Variants in PCLO observed in about 807,000 individuals in gnomAD.
The protein encoded by PCLO is piccolo presynaptic cytomatrix protein.
PCLO carries 82 observed loss-of-function variants against 427.5 expected under a neutral mutation model. The observed-to-expected ratio is 0.19, with a 90% CI of 0.16 to 0.23. The LOEUF (loss-of-function observed/expected upper bound fraction) is 0.23. Ranked by LOEUF, PCLO falls within the 10% of genes least tolerant of loss-of-function variation. The pLI is 1.00. For missense variants in PCLO, 6,239 were observed against 6,115.9 expected (o/e 1.02, Z -0.67); for synonymous variants, 2,357 against 2,155.4 (o/e 1.09, Z -2.59).
chr7:83,087,156 G>A (rs1790257935), intron 3 of PCLO, among the ~76,000 whole-genome samples: 1 of 151,640 alleles, frequency 6.6e-6, no homozygotes, highest in Admixed American at 6.6e-5. Context: ...TACCAACATG[G>A]CACATGTATA....
chr7:82,902,511 G>A (rs948263412), intron 9 of PCLO, 140 bp downstream of exon 9: 7 of 557,386 alleles, frequency 1.3e-5, no homozygotes, highest in Non-Finnish European at 2.3e-5. Context: ...CACCAGCATG[G>A]CACATGTATA....
At chr7:83,031,288 A>G (rs1396305407) in intron 3 of PCLO, among the ~76,000 whole-genome samples, 1 of 152,176 alleles carries the variant, frequency 6.6e-6, no homozygotes, top group Non-Finnish European at 1.5e-5. Flanking sequence ...ATACCACACT[A>G]TTAGAAATAG....
chr7:82,986,189 G>A (rs1246382066), intron 3 of PCLO, among the ~76,000 whole-genome samples: 1 of 151,826 alleles, frequency 6.6e-6, no homozygotes, highest in Non-Finnish European at 1.5e-5. Context: ...AGGATCACTG[G>A]AAACATAAAA....
At position 82,953,248 on chromosome 7, in the gene PCLO, A is replaced by G; in HGVS notation, c.7705T>C (p.Ser2569Pro). 1 of 1,613,954 alleles carries G rather than the reference A, an allele frequency of 6.2e-7. No homozygotes were observed. The change falls in exon 5 of 25, where the codon TCA becomes CCA. Residue 2569 changes from serine to proline, a missense_variant. Ser to Pro is a moderately conservative substitution (Grantham distance 74). Around this residue, in one of 5 missense-constraint regions of PCLO, gnomAD observed 4,677 missense variants for 4,468.4 expected, o/e 1.05. Transcript: ENST00000333891. Reference protein sequence around the residue: ...SPLSPHSNKSSPRFSKSLTET... With the variant: ...SPLSPHSNKSPPRFSKSLTET... The stretch of plus-strand genomic sequence containing the variant: ...GTGAGGGATTTGGAAAATCTTGGTG[A>G]AGACTTGTTGGAGTGTGGGGAAAGT...
intron 24 of PCLO, 67 bp from the exon 25 acceptor site, chr7:82,758,782 C>G: frequency 5.3e-6 from 5 of 951,030 alleles, no homozygotes; most frequent in Non-Finnish European, 7.9e-6. Context: ...AGTTTTCAAC[C>G]TTTTTTAAGG....
chr7:82,951,459 T>C lies in PCLO; in HGVS notation c.9129A>G (p.Thr3043=), dbSNP rs1211664580. Residue 3043 remains threonine (T), a synonymous_variant, in exon 6 of 25, where the codon ACA becomes ACG. Transcript: ENST00000333891. ...GEVMDYSSKT[T]GPYPETRQVI... ...CTTGTCGTGTTTCTGGATATGGACC[T>C]GTAGTCTTGCTTGAATAATCCATTA... The C allele has an allele frequency of 1.9e-6, 3 of 1,580,486 alleles. No individual in the cohort carries two copies. The highest frequency in any genetic ancestry group is 1.8e-5 in the Admixed American group (1 of 54,462).
chr7:83,134,545 G>A lies in PCLO; in HGVS notation c.3005C>T (p.Ala1002Val), dbSNP rs764813086. Residue 1002 changes from alanine (A) to valine (V), a missense_variant, in exon 3 of 25, where the codon GCC becomes GTC. Ala to Val is a moderately conservative substitution (Grantham distance 64). Transcript: ENST00000333891. ...KSIPVKKETK[A>V]PAAEKLEPKA... ...GGGCTCTAATTTTTCAGCTGCTGGGGCTTTTGTTTCCTTTTTCACAGGTAT... is the reference window on the plus strand; with the variant it reads ...GGGCTCTAATTTTTCAGCTGCTGGGACTTTTGTTTCCTTTTTCACAGGTAT... 1.2e-6 allele frequency: 2 copies of A among 1,613,854 alleles called. No individual in the cohort carries two copies. The highest frequency in any genetic ancestry group is 1.7e-6 in the Non-Finnish European group (2 of 1,179,878).
chr7:83,072,638 A>G (rs898080913), intron 3 of PCLO, among the ~76,000 whole-genome samples: 2 of 152,054 alleles, frequency 1.3e-5, no homozygotes, highest in African/African-American at 4.8e-5. Context: ...TTATTCAGCT[A>G]CCAAATTAAG....
chr7:82,966,044 T>C lies in PCLO; in HGVS notation c.3744A>G (p.Leu1248=), dbSNP rs755602432. 1.2e-5 allele frequency: 19 copies of C among 1,613,312 alleles called. No individual in the cohort carries two copies. Among genetic ancestry groups the C allele is most frequent in the Non-Finnish European group, 1.6e-5 (19 of 1,179,790 alleles). ...GGGCTGATGTTTTTGCCTCTGGGAG[T>C]AGCTTTTTGTCTTCAGGGGTTGGCT... ...EKKPTPEDKK[L]LPEAKTSAPE... is the part of the protein sequence containing the mutation. The change falls in exon 4 of 25, where the codon CTA becomes CTG. Residue 1248 remains leucine, a synonymous_variant. Coordinates refer to ENST00000333891, the MANE Select transcript of PCLO (RefSeq NM_033026.6).
intron 3 of PCLO, among the ~76,000 whole-genome samples, chr7:83,035,168 G>C (rs1395157000): frequency 6.6e-6 from 1 of 152,040 alleles, no homozygotes; most frequent in Admixed American, 6.6e-5. Context: ...ATTTGCTTCT[G>C]TTCCTGCTTC....
chr7:83,064,229 T>C (rs1583975701), intron 3 of PCLO, among the ~76,000 whole-genome samples: 1 of 151,994 alleles, frequency 6.6e-6, no homozygotes, highest in Admixed American at 6.6e-5. Context: ...ATGAAAGGTT[T>C]AGTAAAGTAA....
intron 2 of PCLO, among the ~76,000 whole-genome samples, chr7:83,145,599 CCA>C (rs765422985): frequency 4.6e-5 from 7 of 152,036 alleles, no homozygotes; most frequent in Non-Finnish European, 7.4e-5. Context: ...ATTCTTAACC[CCA>C]GTTTTCTTAT....
At chr7:82,840,963 T>G (rs766525978) in intron 14 of PCLO, among the ~76,000 whole-genome samples, 24 of 151,588 alleles carry the variant, frequency 1.6e-4, no homozygotes, top group Non-Finnish European at 4.4e-5. Context: ...TTTTTATATA[T>G]TTTTCTTTAT....
chr7:82,943,106 T>C (rs1449883209), intron 6 of PCLO, among the ~76,000 whole-genome samples: 1 of 152,104 alleles, frequency 6.6e-6, no homozygotes, highest in Non-Finnish European at 1.5e-5. Flanking sequence ...CTTTCAGAAA[T>C]AGACATTAAA....
chr7:82,861,728 G>A (rs1369471138), intron 10 of PCLO, among the ~76,000 whole-genome samples: 1 of 151,872 alleles, frequency 6.6e-6, no homozygotes, highest in Admixed American at 6.6e-5. Flanking sequence ...CCACATGTTA[G>A]GTCACAAAAC....
chr7:82,838,298 G>T lies in PCLO; in HGVS notation c.14142C>A (p.Leu4714=), dbSNP rs765893436. Residue 4714 remains leucine (L), a synonymous_variant, in exon 15 of 25, where the codon CTC becomes CTA. Transcript: ENST00000333891. ...YDLGNLIIHI[L]QARNLVPRDN... is the part of the protein sequence containing the mutation. Reference sequence around the variant, plus strand: ...CTCGAGGAACAAGATTTCTTGCTTGGAGAATATGTATTATGAGATTTCCAA... The same window carrying T: ...CTCGAGGAACAAGATTTCTTGCTTGTAGAATATGTATTATGAGATTTCCAA... 1.6e-5 allele frequency: 25 copies of T among 1,552,308 alleles called. No homozygotes were observed. The South Asian group carries it at 2.5e-4, about 16-fold the overall frequency.
In PCLO at chr7:83,001,008, C is replaced by G. The variant is rs552102122; in HGVS notation, c.3301-34521G>C. ...CCAAACATTTTTAAATTAAAGTGTACTACTTTCTTTTGAGATTTTGTTCTT... is the reference window on the plus strand; with the variant it reads ...CCAAACATTTTTAAATTAAAGTGTAGTACTTTCTTTTGAGATTTTGTTCTT... On this transcript the variant is annotated intron_variant, in intron 3 of 24. Transcript: ENST00000333891. 2.2e-4 allele frequency among the ~76,000 whole-genome samples: 33 copies of G among 151,918 alleles called. 1 individual carries two copies. The South Asian group carries it at 6.6e-3, about 31-fold the overall frequency.
Position 83,071,354 on chromosome 7 carries a change from G to A in PCLO, c.3300+62896C>T, listed in dbSNP as rs540800878. On this transcript the variant is annotated intron_variant, in intron 3 of 24. Transcript: ENST00000333891. ...ACAATAGTTATATCTTCTTATATGC[G>A]GTACTATTTTCTTTCCATATAATGG... Among the ~76,000 whole-genome samples, 13 of 152,076 alleles carry A rather than the reference G, an allele frequency of 8.5e-5. No homozygotes were observed. In the East Asian group the frequency reaches 9.6e-4, roughly 11 times the overall value.
intron 3 of PCLO, among the ~76,000 whole-genome samples, chr7:83,109,871 G>A (rs1275995381): frequency 1.3e-5 from 2 of 151,194 alleles, no homozygotes; most frequent in East Asian, 3.9e-4. Context: ...TATTTTAATG[G>A]TTTCATAACA....
Sources: gnomAD v4.1 joint callset for allele counts (sites outside exome capture counted in the v4.1 genomes callset) on GRCh38, gnomAD v4.1.1 for gene constraint, gnomAD v4.1.1 regional missense constraint, MANE v1.5 for transcripts, NCBI Gene and HGNC (gene_info 2026-07-23, HGNC 2026-07-21) for gene names.